The following ANO5 variants were observed in gnomAD, a reference collection of about 807,000 sequenced individuals.
The protein encoded by ANO5 is anoctamin-5.
A neutral mutation model predicts 121.0 loss-of-function variants in ANO5; 109 were observed. That is an observed-to-expected ratio of 0.90 (90% CI 0.77 to 1.06). ANO5 has a LOEUF of 1.06. Ranked by LOEUF, ANO5 falls within the 50% of genes least tolerant of loss-of-function variation. The pLI, the probability that ANO5 is intolerant of heterozygous loss-of-function variation, is 0.00. For synonymous variants in ANO5, 406 were observed against 359.9 expected, an observed-to-expected ratio of 1.13 and a Z score of -1.45; for missense variants, 1,064 against 1,078.5, an observed-to-expected ratio of 0.99 and a Z score of 0.19.
Position 22,279,645 on chromosome 11 carries a change from G to A in ANO5, c.2622G>A (p.Lys874=), listed in dbSNP as rs1231236931. The part of the protein sequence containing the change: ...RIKREKLMTI[K]ILHDFELNKL... Reference sequence around the variant, plus strand: ...AGAGAGAAAAGTTAATGACTATCAAGATTCTCCATGATTTTGAGCTCAACA... The same window carrying A: ...AGAGAGAAAAGTTAATGACTATCAAAATTCTCCATGATTTTGAGCTCAACA... Residue 874 remains lysine (K), a synonymous_variant, in exon 22 of 22, where the codon AAG becomes AAA. Coordinates refer to ENST00000324559, the MANE Select transcript of ANO5 (RefSeq NM_213599.3). 3.3e-5 allele frequency: 54 copies of A among 1,612,654 alleles called. No individual in the cohort carries two copies. The highest frequency in any genetic ancestry group is 4.4e-5 in the Non-Finnish European group (52 of 1,179,070).
chr11:22,267,626 T>C (rs1854420145), intron 17 of ANO5, among the ~76,000 whole-genome samples: 1 of 44,090 alleles, frequency 2.3e-5, no homozygotes, highest in South Asian at 6.2e-4. Context: ...TCTCTCTTTT[T>C]TTTTAACTGT....
At chr11:22,253,079 A>C (rs976929605) in intron 12 of ANO5, among the ~76,000 whole-genome samples, 2 of 152,170 alleles carry the variant, frequency 1.3e-5, no homozygotes, top group African/African-American at 4.8e-5. Flanking sequence ...TGAATAAATA[A>C]ATAATTTAAA....
intron 17 of ANO5, among the ~76,000 whole-genome samples, chr11:22,265,600 C>T (rs1854331397): frequency 6.6e-6 from 1 of 151,970 alleles, no homozygotes; most frequent in Admixed American, 6.6e-5. Flanking sequence ...CTACAAAATC[C>T]TGATTAAAGA....
At position 22,207,606 on chromosome 11, in the gene ANO5, A is replaced by T. The variant is rs964431014; in HGVS notation, c.88-3658A>T. ...ATGGATCAAACTGTTTGGAAATTAG[A>T]TCTTGGTGAAGGGTTTGTAGTTATG... On this transcript the variant is annotated intron_variant, in intron 2 of 21. Transcript: ENST00000324559. Among the ~76,000 whole-genome samples, 3 of 152,126 alleles carry T rather than the reference A, an allele frequency of 2.0e-5. No homozygotes were observed. The East Asian group carries it at 5.8e-4, about 29-fold the overall frequency.
At chr11:22,233,798 A>G (rs1311032576) in intron 7 of ANO5, among the ~76,000 whole-genome samples, 2 of 135,242 alleles carry the variant, frequency 1.5e-5, no homozygotes, top group African/African-American at 4.9e-5. Flanking sequence ...AAACACTGTC[A>G]TAATAAGCAG....
intron 3 of ANO5, among the ~76,000 whole-genome samples, chr11:22,215,948 A>G (rs1426193276): frequency 6.6e-6 from 1 of 151,766 alleles, no homozygotes; most frequent in African/African-American, 2.4e-5. Flanking sequence ...TGTTTCTAAG[A>G]CTCATGCAAA....
In ANO5 at chr11:22,251,014, G is replaced by T. The variant is rs2133705171; in HGVS notation, c.1180+3G>T. ...TGCAATATTCATGGGAATTTGGGGT[G>T]AGTAAATAGTCCCATAAAGAAACAG... On this transcript the variant is annotated splice_donor_region_variant and intron_variant, in intron 12 of 21. Coordinates refer to ENST00000324559, the MANE Select transcript of ANO5 (RefSeq NM_213599.3). The T allele has an allele frequency of 6.2e-7, 1 of 1,608,622 alleles. No individual in the cohort carries two copies.
In ANO5 at chr11:22,227,382, A is replaced by T. The variant is rs746781545; in HGVS notation, c.444A>T (p.Gly148=). ...TAGTTACCTATGCTGAAGTCTTGGGAATCAAAATGCCTATTAAGGAGAGTG... is the reference window on the plus strand; with the variant it reads ...TAGTTACCTATGCTGAAGTCTTGGGTATCAAAATGCCTATTAAGGAGAGTG... The part of the protein sequence containing the change: ...EVLVTYAEVL[G]IKMPIKESDI... Residue 148 remains glycine (G), a synonymous_variant, in exon 7 of 22, where the codon GGA becomes GGT. Transcript: ENST00000324559. 1 of 1,613,472 alleles carries T rather than the reference A, an allele frequency of 6.2e-7. No homozygotes were observed. The highest frequency in any genetic ancestry group is 8.5e-7 in the Non-Finnish European group (1 of 1,179,756).
At position 22,255,537 on chromosome 11, in the gene ANO5, T is replaced by G; in HGVS notation, c.1332+15T>G. 2 of 1,612,258 alleles carry G rather than the reference T, an allele frequency of 1.2e-6. No homozygotes were observed. The highest frequency in any genetic ancestry group is 1.7e-6 in the Non-Finnish European group (2 of 1,178,650). ...CAGTGACTAAGGTAGACTAGAAAACTGTGAAACGGACAGCATATCTCAATG... is the reference window on the plus strand; with the variant it reads ...CAGTGACTAAGGTAGACTAGAAAACGGTGAAACGGACAGCATATCTCAATG... On this transcript the variant is annotated intron_variant, in intron 13 of 21. Coordinates refer to ENST00000324559, the MANE Select transcript of ANO5 (RefSeq NM_213599.3).
At chr11:22,241,803 T>C (rs1853442034) in intron 9 of ANO5, among the ~76,000 whole-genome samples, 1 of 152,110 alleles carries the variant, frequency 6.6e-6, no homozygotes, top group African/African-American at 2.4e-5. Flanking sequence ...CTTTGTTGGA[T>C]GTGTAGTTTG....
intron 21 of ANO5, 24 bp from the exon 22 acceptor site, chr11:22,279,520 A>G: frequency 5.1e-6 from 8 of 1,583,922 alleles, no homozygotes; most frequent in Non-Finnish European, 6.9e-6. Context: ...ACAGCGTCTA[A>G]TCTTTCCTTT....
In ANO5 at chr11:22,226,019, A is replaced by G. The variant is rs1852819308; in HGVS notation, c.330A>G (p.Lys110=). ...RRKEFETNLR[K]TGLELEIEDK... ...AAGAGTTTGAAACTAATCTCAGAAA[A>G]ACAGGTCTTGAGTTGGAAATAGAAG... The change falls in exon 6 of 22, where the codon AAA becomes AAG. Residue 110 remains lysine, a synonymous_variant. Transcript: ENST00000324559. 4 of 1,609,112 alleles carry G rather than the reference A, an allele frequency of 2.5e-6. No individual in the cohort carries two copies. The highest frequency in any genetic ancestry group is 3.4e-6 in the Non-Finnish European group (4 of 1,176,128).
At chr11:22,268,951 C>T (rs904728288) in intron 17 of ANO5, among the ~76,000 whole-genome samples, 2 of 151,958 alleles carry the variant, frequency 1.3e-5, no homozygotes, top group Non-Finnish European at 2.9e-5. Context: ...CCGCAGTGAG[C>T]TGTGATCACA....
At chr11:22,267,539 T>G (rs1854413942) in intron 17 of ANO5, among the ~76,000 whole-genome samples, 1 of 148,014 alleles carries the variant, frequency 6.8e-6, no homozygotes, top group Non-Finnish European at 1.5e-5. Context: ...CTATCTACAA[T>G]TATACCAAGT....
rs4509753 is a variant in ANO5 at position 22,225,659 on chromosome 11, A to G, written c.295-325A>G. ...AGAGTATTGATCTTTGTAATAGTGA[A>G]TCTTTTCAACTTGGAGCATATGTCT... On this transcript the variant is annotated intron_variant, in intron 5 of 21. Coordinates refer to ENST00000324559, the MANE Select transcript of ANO5 (RefSeq NM_213599.3). 0.83 allele frequency among the ~76,000 whole-genome samples: 125,697 copies of G among 152,118 alleles called. 52,457 individuals are homozygous for G. The highest frequency in any genetic ancestry group is 0.93 in the African/African-American group (38,670 of 41,532).
chr11:22,249,082 A>C (rs1454661714), intron 9 of ANO5, among the ~76,000 whole-genome samples: 1 of 152,018 alleles, frequency 6.6e-6, no homozygotes, highest in Non-Finnish European at 1.5e-5. Context: ...TTTAATTTCA[A>C]GTTTATAGTG....
chr11:22,244,347 G>A lies in ANO5; in HGVS notation c.878+4663G>A, dbSNP rs564050498. ...TAGCTGCCTTTAAATTTTTTTGTTCGTGTTGAACTTGGTGAATCTGATGAC... is the reference window on the plus strand; with the variant it reads ...TAGCTGCCTTTAAATTTTTTTGTTCATGTTGAACTTGGTGAATCTGATGAC... On this transcript the variant is annotated intron_variant, in intron 9 of 21. Transcript: ENST00000324559. 1.1e-4 allele frequency among the ~76,000 whole-genome samples: 16 copies of A among 151,986 alleles called. No homozygotes were observed. In the South Asian group the frequency reaches 2.5e-3, roughly 24 times the overall value.
chr11:22,219,890 G>GT (rs1852584853), intron 4 of ANO5, among the ~76,000 whole-genome samples: 1 of 71,462 alleles, frequency 1.4e-5, no homozygotes, highest in Admixed American at 1.4e-4. Context: ...AGGTTCCCTA[G>GT]ATTTTTTTTT....
intron 1 of ANO5, among the ~76,000 whole-genome samples, chr11:22,197,548 G>C (rs966802135): frequency 1.3e-5 from 2 of 152,204 alleles, no homozygotes; most frequent in East Asian, 3.9e-4. Context: ...CATCTTTACG[G>C]CTATGTTAAG....
Sources: gnomAD v4.1 joint callset for allele counts (sites outside exome capture counted in the v4.1 genomes callset) on GRCh38, gnomAD v4.1.1 for gene constraint, MANE v1.5 for transcripts, NCBI Gene and HGNC (gene_info 2026-07-23, HGNC 2026-07-21) for gene names.